Variants in CAST observed in about 807,000 individuals in gnomAD.
CAST encodes calpastatin.
CAST carries 76 observed loss-of-function variants against 119.6 expected under a neutral mutation model. The observed-to-expected ratio is 0.64, with a 90% CI of 0.53 to 0.77. The LOEUF is 0.77. Among genes scored for constraint, CAST ranks in the 30% least tolerant of loss-of-function variants. CAST has a pLI of 0.00. For missense variants in CAST, 953 were observed against 946.5 expected (o/e 1.01, Z -0.09); for synonymous variants, 319 against 331.6 (o/e 0.96, Z 0.41).
chr5:96,605,558 A>C (rs1747237075), intron 1 of CAST, among the ~76,000 whole-genome samples: 1 of 152,208 alleles, frequency 6.6e-6, no homozygotes, highest in South Asian at 2.1e-4. Context: ...TAGATGTATA[A>C]AACGTTGCTA....
At position 96,730,850 on chromosome 5, in the gene CAST, C is replaced by T. The variant is rs763856934; in HGVS notation, c.620C>T (p.Pro207Leu). Reference protein sequence around the residue: ...VAGITAISGKPGDKKKEKKSL... With the variant: ...VAGITAISGKLGDKKKEKKSL... The stretch of plus-strand genomic sequence containing the variant: ...GGTATCACTGCAATATCTGGCAAGC[C>T]GGGTGACAAGGTGAGCACACACAAG... The change falls in exon 9 of 32, where the codon CCG becomes CTG. Residue 207 changes from proline (P) to leucine (L), a missense_variant. Physicochemically the swap from Pro to Leu is moderately conservative, Grantham distance 98. Transcript: ENST00000675179. 18 of 1,612,690 alleles carry T rather than the reference C, an allele frequency of 1.1e-5. No individual in the cohort carries two copies. In the South Asian group the frequency reaches 1.3e-4, roughly 12 times the overall value.
rs183913895 is a variant in CAST at position 96,598,346 on chromosome 5, G to A, written c.60+68466G>A. ...GACCCCCAAGTCTGCCCAAAGGCCA[G>A]CTAGTTCCCTGGGTCAGCCTCAGAT... is the stretch of plus-strand genomic sequence containing the variant. On this transcript the variant is annotated intron_variant, in intron 1 of 11. Transcript: ENST00000505143. Among the ~76,000 whole-genome samples the A allele has an allele frequency of 2.0e-3, 302 of 152,286 alleles. 4 individuals carry two copies. Among genetic ancestry groups the A allele is most frequent in the Non-Finnish European group, 3.0e-3 (203 of 68,026 alleles).
At chr5:96,723,326 C>G (rs1758650611) in intron 4 of CAST, among the ~76,000 whole-genome samples, 1 of 152,080 alleles carries the variant, frequency 6.6e-6, no homozygotes, top group Non-Finnish European at 1.5e-5. Flanking sequence ...AGATATTCCT[C>G]TAAGTACATT....
chr5:96,501,657 CA>C, the CAST span, among the ~76,000 whole-genome samples: 1 of 152,134 alleles, frequency 6.6e-6, no homozygotes, highest in African/African-American at 2.4e-5. Flanking sequence ...ATAAGTAATG[CA>C]ATGAACCCAT....
At chr5:96,138,917 C>T in the CAST span, among the ~76,000 whole-genome samples, 1 of 151,618 alleles carries the variant, frequency 6.6e-6, no homozygotes, top group African/African-American at 2.4e-5. Context: ...TTTTTTATTT[C>T]CTATTTTTGT....
intron 15 of CAST, chr5:96,741,822 A>C: frequency 4.4e-5 from 18 of 407,228 alleles, no homozygotes; most frequent in Middle Eastern, 7.0e-4. Context: ...AGACCATCTC[A>C]CCATTATGAT....
chr5:96,394,928 T>C, the CAST span: 1 of 1,614,162 alleles, frequency 6.2e-7, no homozygotes, highest in Non-Finnish European at 8.5e-7. Context: ...GTAGGACGTG[T>C]ACACACGAGG....
chr5:96,234,885 T>A, the CAST span, among the ~76,000 whole-genome samples: 1 of 152,274 alleles, frequency 6.6e-6, no homozygotes, highest in Middle Eastern at 3.4e-3. Flanking sequence ...ATAAATTACA[T>A]ATGTAGAAAG....
chr5:96,665,759 C>T (rs2150224139), intron 1 of CAST, among the ~76,000 whole-genome samples: 1 of 139,664 alleles, frequency 7.2e-6, no homozygotes, highest in Non-Finnish European at 1.7e-5. Flanking sequence ...CACACACACA[C>T]ATATACATAC....
chr5:96,414,997 G>A, the CAST span, among the ~76,000 whole-genome samples: 1 of 152,120 alleles, frequency 6.6e-6, no homozygotes, highest in African/African-American at 2.4e-5. Context: ...GAGTTTAATG[G>A]GGTTTTATTG....
chr5:96,681,300 G>C (rs1013335295), intron 2 of CAST, among the ~76,000 whole-genome samples: 2 of 152,070 alleles, frequency 1.3e-5, no homozygotes, highest in Admixed American at 6.5e-5. Context: ...TCAAAATTCT[G>C]TATCTATTGC....
chr5:96,432,103 A>G, the CAST span: 1 of 1,535,280 alleles, frequency 6.5e-7, no homozygotes, highest in Non-Finnish European at 8.7e-7. Context: ...AACAAGAAAG[A>G]AATAGATCCC....
the CAST span, among the ~76,000 whole-genome samples, chr5:96,273,668 T>C: frequency 6.6e-6 from 1 of 152,222 alleles, no homozygotes; most frequent in Non-Finnish European, 1.5e-5. Flanking sequence ...CTTGCGTAGA[T>C]ATTTTTGTAT....
At chr5:96,538,126 G>A (rs11742063) in intron 1 of CAST, among the ~76,000 whole-genome samples, 94,011 of 151,984 alleles carry the variant, frequency 0.62, 29,361 homozygotes, top group East Asian at 0.86. Context: ...AAGAAAAACT[G>A]TTTGTTAGAC....
chr5:96,303,849 T>C, the CAST span, among the ~76,000 whole-genome samples: 2 of 152,220 alleles, frequency 1.3e-5, no homozygotes, highest in South Asian at 2.1e-4. Flanking sequence ...CAGTCTATCA[T>C]TAATGGGCAT....
the CAST span, among the ~76,000 whole-genome samples, chr5:96,218,822 G>A: frequency 6.6e-6 from 1 of 152,184 alleles, no homozygotes; most frequent in Non-Finnish European, 1.5e-5. Flanking sequence ...GGCACAGCAG[G>A]CCGGGAGAAC....
In CAST at chr5:96,711,533, T is replaced by C. The variant is rs112868130; in HGVS notation, c.211-11106T>C. ...TTTACATAAGATTTCATTTATTCCT[T>C]GTAAGAGTTGCATATTTTACAACTA... On this transcript the variant is annotated intron_variant, in intron 3 of 31. Transcript: ENST00000675179. Among the ~76,000 whole-genome samples, 600 of 152,344 alleles carry C rather than the reference T, an allele frequency of 3.9e-3. 10 individuals carry two copies. Among genetic ancestry groups the C allele is most frequent in the South Asian group, 0.033 (158 of 4,828 alleles).
the CAST span, among the ~76,000 whole-genome samples, chr5:96,427,396 A>T: frequency 1.2e-4 from 18 of 152,214 alleles, no homozygotes; most frequent in African/African-American, 4.3e-4. Context: ...TATAGGTATC[A>T]TGTACTTAAT....
the CAST span, among the ~76,000 whole-genome samples, chr5:96,503,891 T>C: frequency 6.6e-6 from 1 of 152,126 alleles, no homozygotes; most frequent in African/African-American, 2.4e-5. Flanking sequence ...TTAACGAGCT[T>C]CAAGCTGATT....
Sources: gnomAD v4.1 joint callset for allele counts (sites outside exome capture counted in the v4.1 genomes callset) on GRCh38, gnomAD v4.1.1 for gene constraint, MANE v1.5 for transcripts, NCBI Gene and HGNC (gene_info 2026-07-23, HGNC 2026-07-21) for gene names.